PIGU: variants seen among roughly 807,000 people sequenced by gnomAD.
The protein encoded by PIGU is phosphatidylinositol glycan anchor biosynthesis class U, also known as GPI-anchor transamidase component PIGU.
PIGU carries 24 observed loss-of-function variants against 49.9 expected under a neutral mutation model. The observed-to-expected ratio is 0.48, with a 90% CI of 0.35 to 0.68. PIGU has a LOEUF of 0.68. Ranked by LOEUF, PIGU falls within the 30% of genes least tolerant of loss-of-function variation. The pLI, the probability that PIGU is intolerant of heterozygous loss-of-function variation, is 0.01. For synonymous variants in PIGU, 220 were observed against 205.7 expected, an observed-to-expected ratio of 1.07 and a Z score of -0.59; for missense variants, 490 against 532.6, an observed-to-expected ratio of 0.92 and a Z score of 0.79.
In PIGU at chr20:34,668,485, G is replaced by GAAAAAAAAAAA. The variant is rs1383786806; in HGVS notation, c.130+8470_130+8471insTTTTTTTTTTT. ...TCAAAAAAAAAAAAAAAAAAAAAAG[G>GAAAAAAAAAAA]GGGGGGCGGGCGTGCTGGCTCACAC... is the stretch of plus-strand genomic sequence containing the variant. On this transcript the variant is annotated intron_variant, in intron 1 of 11. Coordinates refer to ENST00000217446, the MANE Select transcript of PIGU (RefSeq NM_080476.5). Among the ~76,000 whole-genome samples, 11 of 98,796 alleles carry GAAAAAAAAAAA rather than the reference G, an allele frequency of 1.1e-4. No individual in the cohort carries two copies. In the South Asian group the frequency reaches 1.1e-3, roughly 10 times the overall value. 64.8% of individuals were successfully genotyped at this position (98,796 alleles called of 152,430 possible).
intron 7 of PIGU, among the ~76,000 whole-genome samples, chr20:34,596,613 A>G (rs1463203073): frequency 6.6e-6 from 1 of 152,192 alleles, no homozygotes; most frequent in Admixed American, 6.5e-5. Flanking sequence ...CATCTGTTAC[A>G]TGGTTGGTTA....
intron 9 of PIGU, among the ~76,000 whole-genome samples, chr20:34,581,962 C>T (rs546454804): frequency 6.6e-6 from 1 of 152,306 alleles, no homozygotes; most frequent in South Asian, 2.1e-4. Context: ...CTGGGCCTTC[C>T]CCTAGGAGCC....
At chr20:34,643,665 A>G (rs1005978735) in intron 4 of PIGU, 3 of 152,838 alleles carry the variant, frequency 2.0e-5, no homozygotes, top group African/African-American at 7.2e-5. Context: ...ACTGAAGTTT[A>G]TATCAGGCAT....
At chr20:34,620,413 G>A (rs1190759598) in intron 6 of PIGU, among the ~76,000 whole-genome samples, 1 of 152,138 alleles carries the variant, frequency 6.6e-6, no homozygotes, top group East Asian at 1.9e-4. Context: ...AGGTCACTTT[G>A]TCTATGAGCC....
chr20:34,621,130 G>T (rs927953320), intron 6 of PIGU, among the ~76,000 whole-genome samples: 6 of 151,394 alleles, frequency 4.0e-5, no homozygotes, highest in Non-Finnish European at 7.4e-5. Context: ...GTTTCTCAAG[G>T]GCAACACATT....
At chr20:34,587,803 C>G (rs987589073) in intron 8 of PIGU, among the ~76,000 whole-genome samples, 1 of 152,186 alleles carries the variant, frequency 6.6e-6, no homozygotes, top group Non-Finnish European at 1.5e-5. Context: ...AATTCCATCC[C>G]TACTACTGTC....
intron 7 of PIGU, 51 bp from the exon 8 acceptor site, chr20:34,588,658 C>A (rs771525170): frequency 1.3e-6 from 2 of 1,535,352 alleles, no homozygotes; most frequent in Non-Finnish European, 1.8e-6. Context: ...CAACAGAGGG[C>A]AGCTATTAGC....
Position 34,585,458 on chromosome 20 carries a change from A to T in PIGU, c.905T>A (p.Ile302Asn). The T allele has an allele frequency of 6.2e-7, 1 of 1,614,140 alleles. No individual in the cohort carries two copies. The highest frequency in any genetic ancestry group is 8.5e-7 in the Non-Finnish European group (1 of 1,179,956). The change falls in exon 9 of 12, where the codon ATC becomes AAC. Residue 302 changes from isoleucine (I) to asparagine (N), a missense_variant. Coordinates refer to ENST00000217446, the MANE Select transcript of PIGU (RefSeq NM_080476.5). ...VFQINVFFYT[I>N]PLAIKLKEHP... ...TTACTTTAGCTTTATGGCTAAGGGG[A>T]TGGTGTAGAAGAAGACGTTGATCTG...
At chr20:34,582,698 T>G (rs780478073) in intron 9 of PIGU, among the ~76,000 whole-genome samples, 3 of 150,756 alleles carry the variant, frequency 2.0e-5, no homozygotes, top group Non-Finnish European at 3.0e-5. Flanking sequence ...AAAAAAAAAG[T>G]AGGCAATCCT....
At chr20:34,635,051 T>C (rs189708305) in intron 5 of PIGU, among the ~76,000 whole-genome samples, 24 of 152,336 alleles carry the variant, frequency 1.6e-4, no homozygotes, top group Non-Finnish European at 3.1e-4. Context: ...GTCTCAATGG[T>C]AAAGCGACTT....
chr20:34,675,305 A>G (rs1056614109), intron 1 of PIGU, among the ~76,000 whole-genome samples: 1 of 151,266 alleles, frequency 6.6e-6, no homozygotes, highest in Admixed American at 6.6e-5. Flanking sequence ...CCGGATATAA[A>G]CAGGTAATTA....
chr20:34,573,844 C>T (rs1037563994), intron 11 of PIGU, among the ~76,000 whole-genome samples: 25 of 152,246 alleles, frequency 1.6e-4, no homozygotes, highest in African/African-American at 5.8e-4. Flanking sequence ...GCTACAAGGC[C>T]CTCTATCTCT....
intron 6 of PIGU, among the ~76,000 whole-genome samples, chr20:34,616,473 T>C (rs570865373): frequency 4.5e-4 from 69 of 152,298 alleles, no homozygotes; most frequent in African/African-American, 1.6e-3. Flanking sequence ...CCATGTCCTA[T>C]CTAATGTACC....
At chr20:34,581,866 A>G (rs1983487852) in intron 9 of PIGU, among the ~76,000 whole-genome samples, 194 bp from the exon 10 acceptor site, 1 of 152,242 alleles carries the variant, frequency 6.6e-6, no homozygotes, top group African/African-American at 2.4e-5. Context: ...AAATACCCAG[A>G]GGTGGTGAGG....
chr20:34,666,810 C>T (rs1271534016), intron 1 of PIGU, among the ~76,000 whole-genome samples: 2 of 150,972 alleles, frequency 1.3e-5, no homozygotes, highest in Non-Finnish European at 2.9e-5. Flanking sequence ...CATTCTCCTG[C>T]CTCAGCCTCC....
At chr20:34,647,885 T>C (rs1305024607) in intron 2 of PIGU, among the ~76,000 whole-genome samples, 1 of 152,170 alleles carries the variant, frequency 6.6e-6, no homozygotes, top group Non-Finnish European at 1.5e-5. Context: ...GCTAATGATT[T>C]GTTCAAATCT....
chr20:34,569,391 C>T (rs1160835112), intron 11 of PIGU, among the ~76,000 whole-genome samples: 2 of 151,966 alleles, frequency 1.3e-5, no homozygotes, highest in Non-Finnish European at 2.9e-5. Flanking sequence ...CCACTGCACC[C>T]GGTTAGTTTT....
intron 6 of PIGU, among the ~76,000 whole-genome samples, chr20:34,632,726 A>AC (rs1985827559): frequency 6.6e-6 from 1 of 152,174 alleles, no homozygotes. Context: ...AAAAAAATCA[A>AC]TAAAAAAGAG....
At chr20:34,652,974 GTTT>G (rs1297140166) in intron 2 of PIGU, among the ~76,000 whole-genome samples, 1 of 136,304 alleles carries the variant, frequency 7.3e-6, no homozygotes, top group Non-Finnish European at 1.6e-5. Context: ...GTCAAGTTGG[GTTT>G]TTTTTTTTTT....
Sources: gnomAD v4.1 joint callset for allele counts (sites outside exome capture counted in the v4.1 genomes callset) on GRCh38, gnomAD v4.1.1 for gene constraint, MANE v1.5 for transcripts, NCBI Gene and HGNC (gene_info 2026-07-23, HGNC 2026-07-21) for gene names.